The following FURIN variants were observed in gnomAD, a reference collection of about 807,000 sequenced individuals.
FURIN encodes the protein FES upstream region.
A neutral mutation model predicts 89.2 loss-of-function variants in FURIN; 18 were observed. The ratio of observed to expected loss-of-function variants is 0.20; its 90% confidence interval spans 0.14 to 0.30. The LOEUF is 0.30. Ranked by LOEUF, FURIN falls within the 10% of genes least tolerant of loss-of-function variation. The pLI, the probability that FURIN is intolerant of heterozygous loss-of-function variation, is 1.00. For missense variants in FURIN, 879 were observed against 1,100.5 expected (o/e 0.80, Z 2.85); for synonymous variants, 508 against 466.4 (o/e 1.09, Z -1.15).
chr15:90,880,709 A>G lies in FURIN; in HGVS notation c.1575A>G (p.Ala525=), dbSNP rs1467642015. The change falls in exon 14 of 16, where the codon GCA becomes GCG. Residue 525 remains alanine, a synonymous_variant. Coordinates refer to ENST00000268171, the MANE Select transcript of FURIN (RefSeq NM_002569.4). ...LLAARPHDYS[A]DGFNDWAFMT... is the part of the protein sequence containing the mutation. ...TCCCCAGGCCACATGACTACTCCGC[A>G]GATGGGTTTAATGACTGGGCCTTCA... is the stretch of plus-strand genomic sequence containing the variant. The G allele has an allele frequency of 6.2e-7, 1 of 1,613,930 alleles. No homozygotes were observed. Among genetic ancestry groups the G allele is most frequent in the East Asian group, 2.2e-5 (1 of 44,888 alleles).
In FURIN at chr15:90,881,700, T is replaced by C; in HGVS notation, c.2207T>C (p.Leu736Pro). 6.3e-7 allele frequency: 1 copy of C among 1,590,890 alleles called. No individual in the cohort carries two copies. Among genetic ancestry groups the C allele is most frequent in the African/African-American group, 1.3e-5 (1 of 74,424 alleles). The stretch of plus-strand genomic sequence containing the variant: ...GTCTTCGTCACTGTCTTCCTGGTCC[T>C]GCAGCTGCGCTCTGGCTTTAGTTTT... The part of the protein sequence containing the change: ...VLVFVTVFLV[L>P]QLRSGFSFRG... Residue 736 changes from leucine (L) to proline (P), a missense_variant, in exon 16 of 16, where the codon CTG becomes CCG. Around this residue, in one of 5 missense-constraint regions of FURIN, gnomAD observed 457 missense variants for 490.7 expected, o/e 0.93. Coordinates refer to ENST00000268171, the MANE Select transcript of FURIN (RefSeq NM_002569.4). The surrounding 1 kb of genome is among the most constrained non-coding windows in gnomAD (Gnocchi z 4.3).
rs1303485945 is a variant in FURIN at position 90,880,239 on chromosome 15, C to G, written c.1522C>G (p.Pro508Ala). ...RGDLAIHLVS[P>A]MGTRSTLLAA... ...CGACCTGGCCATCCACCTGGTCAGC[C>G]CCATGGGCACCCGCTCCACCCTGCT... Residue 508 changes from proline (P) to alanine (A), a missense_variant, in exon 13 of 16, where the codon CCC (proline) becomes GCC (alanine). Coordinates refer to ENST00000268171, the MANE Select transcript of FURIN (RefSeq NM_002569.4). 2 of 1,610,464 alleles carry G rather than the reference C, an allele frequency of 1.2e-6. No individual in the cohort carries two copies. Among genetic ancestry groups the G allele is most frequent in the Admixed American group, 1.7e-5 (1 of 59,880 alleles).
Position 90,882,009 on chromosome 15 carries a change from T to C in FURIN, c.*131T>C. 1 of 686,562 alleles carries C rather than the reference T, an allele frequency of 1.5e-6. No individual in the cohort carries two copies. The highest frequency in any genetic ancestry group is 1.8e-5 in the African/African-American group (1 of 54,914). 42.5% of individuals were successfully genotyped at this position (686,562 alleles called of 1,614,324 possible). The stretch of plus-strand genomic sequence containing the variant: ...CAAGAGGGGTGGAGACTGCTTCCCA[T>C]CCTACCCTCGGGCCCACCTGGCCAC... On this transcript the variant is annotated 3_prime_UTR_variant, in exon 16 of 16. Transcript: ENST00000268171.
At chr15:90,877,986 T>G (rs948257848) in intron 7 of FURIN, 146 bp from the exon 8 acceptor site, 1 of 696,398 alleles carries the variant, frequency 1.4e-6, no homozygotes, top group East Asian at 2.8e-5. Flanking sequence ...AAACAGGTAG[T>G]TGGGGGTTCA....
chr15:90,875,027 C>T (rs1385677150), intron 1 of FURIN, among the ~76,000 whole-genome samples: 2 of 135,522 alleles, frequency 1.5e-5, no homozygotes, highest in African/African-American at 5.8e-5. Context: ...TCTTCTGTTA[C>T]ACTTTTTTTT....
chr15:90,871,827 C>G (rs2031321541), intron 1 of FURIN, among the ~76,000 whole-genome samples: 2 of 149,858 alleles, frequency 1.3e-5, no homozygotes, highest in East Asian at 4.1e-4. Context: ...GAACTGGCCC[C>G]GGGGCCGGCC....
In FURIN at chr15:90,880,119, C is replaced by T. The variant is rs769249196; in HGVS notation, c.1402C>T (p.Arg468Trp). Residue 468 changes from arginine to tryptophan, a missense_variant, in exon 13 of 16, where the codon CGG becomes TGG. Physicochemically the swap from Arg to Trp is moderately radical, Grantham distance 101 (BLOSUM62 -3). This residue lies in a region of FURIN where 457 missense variants were observed against 490.7 expected (regional missense o/e 0.93). Coordinates refer to ENST00000268171, the MANE Select transcript of FURIN (RefSeq NM_002569.4). ...PKDIGKRLEV[R>W]KTVTACLGEP... ...AGACATCGGGAAACGGCTCGAGGTGCGGAAGACCGTGACCGCGTGCCTGGG... is the reference window on the plus strand; with the variant it reads ...AGACATCGGGAAACGGCTCGAGGTGTGGAAGACCGTGACCGCGTGCCTGGG... 69 of 1,607,468 alleles carry T rather than the reference C, an allele frequency of 4.3e-5. 2 individuals carry two copies. In the South Asian group the frequency reaches 4.7e-4, roughly 11 times the overall value.
At chr15:90,873,737 T>C (rs1358227063) in intron 1 of FURIN, among the ~76,000 whole-genome samples, 1 of 152,114 alleles carries the variant, frequency 6.6e-6, no homozygotes, top group African/African-American at 2.4e-5. Context: ...ACCATGGGGC[T>C]GTGGTTCCGA....
Position 90,879,559 on chromosome 15 carries a change from G to C in FURIN, c.1154+15G>C. 6.3e-7 allele frequency: 1 copy of C among 1,589,576 alleles called. No individual in the cohort carries two copies. ...CTGGAGGCCAAGTAAGTGGGTGGGG[G>C]CCAGCGGCAACCCTGTCCCTACCAG... On this transcript the variant is annotated intron_variant, in intron 10 of 15. Coordinates refer to ENST00000268171, the MANE Select transcript of FURIN (RefSeq NM_002569.4).
intron 1 of FURIN, among the ~76,000 whole-genome samples, chr15:90,869,189 T>C (rs1057210121): frequency 3.3e-5 from 5 of 152,226 alleles, no homozygotes. Context: ...CATCAGGCCC[T>C]GCTCCTCTCA....
chr15:90,877,698 C>A, intron 7 of FURIN, 83 bp downstream of exon 7: 1 of 937,754 alleles, frequency 1.1e-6, no homozygotes, highest in South Asian at 1.6e-5. Flanking sequence ...TGGCCAATGC[C>A]TGCCACTTTC....
chr15:90,871,905 C>G (rs1410165498), intron 1 of FURIN, among the ~76,000 whole-genome samples: 1 of 151,308 alleles, frequency 6.6e-6, no homozygotes, highest in African/African-American at 2.4e-5. Context: ...GGGCCCGTCT[C>G]GGCCCCCCGG....
In FURIN at chr15:90,882,705, G is replaced by A. The variant is rs540345335; in HGVS notation, c.*827G>A. The A allele has an allele frequency of 4.0e-4, 61 of 152,834 alleles. No individual in the cohort carries two copies. Among genetic ancestry groups the A allele is most frequent in the South Asian group, 1.0e-3 (5 of 4,834 alleles). 9.5% of individuals were successfully genotyped at this position (152,834 alleles called of 1,614,324 possible). A position where few individuals can be genotyped will look rare whatever the true frequency, so the allele number is the denominator to read the frequency against. ...AGCCGGCCTCTCTGGCCTCCCACCC[G>A]ATGCTGCTTTCCCCTGTGGGGATCT... is the stretch of plus-strand genomic sequence containing the variant. On this transcript the variant is annotated 3_prime_UTR_variant, in exon 16 of 16. Coordinates refer to ENST00000268171, the MANE Select transcript of FURIN (RefSeq NM_002569.4).
In FURIN at chr15:90,875,792, G is replaced by T; in HGVS notation, c.52G>T (p.Val18Phe). Residue 18 changes from valine to phenylalanine, a missense_variant, in exon 2 of 16, where the codon GTC becomes TTC. By Grantham distance (50) the Val-to-Phe change is conservative. Coordinates refer to ENST00000268171, the MANE Select transcript of FURIN (RefSeq NM_002569.4). ...GGTGGTAGCAGCAACAGGAACCTTGGTCCTGCTAGCAGCTGATGCTCAGGG... is the reference window on the plus strand; with the variant it reads ...GGTGGTAGCAGCAACAGGAACCTTGTTCCTGCTAGCAGCTGATGCTCAGGG... ...LWVVAATGTLVLLAADAQGQK... is the reference protein window; with the variant it reads ...LWVVAATGTLFLLAADAQGQK... The T allele has an allele frequency of 1.3e-6, 2 of 1,558,770 alleles. No individual in the cohort carries two copies. Among genetic ancestry groups the T allele is most frequent in the Non-Finnish European group, 1.7e-6 (2 of 1,150,448 alleles).
chr15:90,870,470 G>A (rs1309483460), intron 1 of FURIN, among the ~76,000 whole-genome samples: 1 of 151,906 alleles, frequency 6.6e-6, no homozygotes, highest in Admixed American at 6.6e-5. Flanking sequence ...ACACTCAGTG[G>A]ATTTTTTTTT....
intron 1 of FURIN, chr15:90,872,932 C>T (rs2031398122): frequency 1.3e-5 from 2 of 152,390 alleles, no homozygotes; most frequent in African/African-American, 4.8e-5. Context: ...GAGTGGCTCT[C>T]TGTGTCAGGA....
In FURIN at chr15:90,881,433, CAT is replaced by C; in HGVS notation, c.1941_1942del (p.Ala649HisfsTer66). On this transcript the variant is annotated frameshift_variant, in exon 16 of 16. Coordinates refer to ENST00000268171, the MANE Select transcript of FURIN (RefSeq NM_002569.4). LOFTEE classifies it high-confidence loss of function. This position sits in a 1 kb window ranked among gnomAD's most constrained non-coding sequence, Gnocchi z 4.3. Reference sequence around the variant, plus strand: ...AGCGTCTGCGCCCCCTGCCACGCCTCATGTGCCACATGCCAGGGGCCGGCCCT... The same window carrying C: ...AGCGTCTGCGCCCCCTGCCACGCCTCGTGCCACATGCCAGGGGCCGGCCCT... The C allele has an allele frequency of 6.2e-7, 1 of 1,612,718 alleles. No homozygotes were observed. Among genetic ancestry groups the C allele is most frequent in the Non-Finnish European group, 8.5e-7 (1 of 1,179,946 alleles).
At position 90,876,897 on chromosome 15, in the gene FURIN, C is replaced by G; in HGVS notation, c.374C>G (p.Ser125Cys). ...GTGATGGGGTGGGTGTCTCCACAGT[C>G]TGGTGTCACTCAGCGGGACCTGAAT... ...DPKFPQQWYL[S>C]GVTQRDLNVK... The change falls in exon 5 of 16, where the codon TCT (serine) becomes TGT (cysteine). Residue 125 changes from serine to cysteine, a missense_variant and splice_region_variant. Around this residue, in one of 5 missense-constraint regions of FURIN, gnomAD observed 139 missense variants for 215.0 expected, o/e 0.65. Coordinates refer to ENST00000268171, the MANE Select transcript of FURIN (RefSeq NM_002569.4). The surrounding 1 kb of genome is among the most constrained non-coding windows in gnomAD (Gnocchi z 5.0). 6.2e-7 allele frequency: 1 copy of G among 1,614,070 alleles called. No homozygotes were observed. The highest frequency in any genetic ancestry group is 8.5e-7 in the Non-Finnish European group (1 of 1,179,916).
rs149223426 is a variant in FURIN at position 90,869,346 on chromosome 15, A to G, written c.-160+635A>G. The stretch of plus-strand genomic sequence containing the variant: ...CCAGTTGAGAGTGATAAAGAGAACA[A>G]TACCTGCCCACAGGACTTGTTGCAA... On this transcript the variant is annotated intron_variant, in intron 1 of 15. Coordinates refer to ENST00000268171, the MANE Select transcript of FURIN (RefSeq NM_002569.4). 3.4e-3 allele frequency among the ~76,000 whole-genome samples: 514 copies of G among 152,296 alleles called. 12 individuals are homozygous for G. The highest frequency in any genetic ancestry group is 0.028 in the Admixed American group (426 of 15,298).
Sources: allele counts gnomAD v4.1 joint callset (sites outside exome capture counted in the v4.1 genomes callset), GRCh38; gene constraint gnomAD v4.1.1; regional missense constraint gnomAD v4.1.1; non-coding constraint Gnocchi (gnomAD v3.1); transcripts MANE v1.5; gene names NCBI Gene and HGNC (gene_info 2026-07-23, HGNC 2026-07-21).